Variants in BMP1 observed in about 807,000 individuals in gnomAD.
BMP1 encodes the protein bone morphogenetic protein 1.
Under a neutral mutation model 116.8 loss-of-function variants are expected in BMP1, and 63 were observed. That is an observed-to-expected ratio of 0.54 (90% CI 0.44 to 0.67). The LOEUF is 0.67. Among genes scored for constraint, BMP1 ranks in the 30% least tolerant of loss-of-function variants. The pLI, the probability that BMP1 is intolerant of heterozygous loss-of-function variation, is 0.00. For missense variants in BMP1, 1,183 were observed against 1,358.9 expected, an observed-to-expected ratio of 0.87 and a Z score of 2.04; for synonymous variants, 536 against 533.4, an observed-to-expected ratio of 1.00 and a Z score of -0.07.
At position 22,179,598 on chromosome 8, in the gene BMP1, T is replaced by G; in HGVS notation, c.837-107T>G. 1 of 1,585,708 alleles carries G rather than the reference T, an allele frequency of 6.3e-7. No homozygotes were observed. Among genetic ancestry groups the G allele is most frequent in the Non-Finnish European group, 8.6e-7 (1 of 1,164,448 alleles). On this transcript the variant is annotated intron_variant, in intron 6 of 19. Transcript: ENST00000306385. The surrounding 1 kb of genome is among the most constrained non-coding windows in gnomAD (Gnocchi z 4.6). ...CCGGCCCTGACCCTGCTGAGGAATGTCTGAGCTCCAGCAGGGTCGTGACTT... is the reference window on the plus strand; with the variant it reads ...CCGGCCCTGACCCTGCTGAGGAATGGCTGAGCTCCAGCAGGGTCGTGACTT...
chr8:22,180,579 G>T, intron 8 of BMP1, 96 bp downstream of exon 8: 1 of 1,104,960 alleles, frequency 9.1e-7, no homozygotes, highest in Non-Finnish European at 1.3e-6. Context: ...GGGTGCCAGC[G>T]ACCTACCTGG....
At chr8:22,201,746 CA>C in intron 15 of BMP1, 56 bp from the exon 16 acceptor site, 1 of 1,602,930 alleles carries the variant, frequency 6.2e-7, no homozygotes, top group Non-Finnish European at 8.5e-7. Context: ...TCCCCTGGGG[CA>C]TCCCAACCTC....
chr8:22,205,805 A>G lies in BMP1; in HGVS notation c.2234-1049A>G, dbSNP rs565177590. On this transcript the variant is annotated intron_variant, in intron 16 of 19. Coordinates refer to ENST00000306385, the MANE Select transcript of BMP1 (RefSeq NM_006129.5). ...TTGTTTTTTAATTTTAATAAAGCCA[A>G]ATGACCATGATCAGGAAGGTGAGGT... is the stretch of plus-strand genomic sequence containing the variant. Among the ~76,000 whole-genome samples the G allele has an allele frequency of 2.0e-5, 3 of 152,268 alleles. No individual in the cohort carries two copies. The South Asian group carries it at 6.2e-4, about 32-fold the overall frequency.
chr8:22,197,121 T>G, intron 14 of BMP1, 119 bp from the exon 15 acceptor site: 1 of 1,318,458 alleles, frequency 7.6e-7, no homozygotes. Flanking sequence ...GAGGATCCAG[T>G]GAGGGGGCGT....
intron 1 of BMP1, among the ~76,000 whole-genome samples, chr8:22,168,738 C>T (rs1377408002): frequency 6.6e-6 from 1 of 152,146 alleles, no homozygotes; most frequent in African/African-American, 2.4e-5. Flanking sequence ...ACAGCTGAGT[C>T]ACCCCACCCA....
intron 15 of BMP1, chr8:22,199,473 G>T: frequency 8.5e-7 from 1 of 1,170,800 alleles, no homozygotes. Flanking sequence ...CCCAGGTGAG[G>T]CTGCCCACTC....
chr8:22,165,603 C>G (rs777310526), intron 1 of BMP1, 50 bp downstream of exon 1: 1 of 1,463,106 alleles, frequency 6.8e-7, no homozygotes, highest in Non-Finnish European at 9.1e-7. Flanking sequence ...GAGGCGCGGG[C>G]GGGTTCGGGC....
chr8:22,187,951 C>T (rs1026493113), intron 8 of BMP1, among the ~76,000 whole-genome samples: 1 of 152,192 alleles, frequency 6.6e-6, no homozygotes, highest in African/African-American at 2.4e-5. Context: ...AAAGATCATG[C>T]GGCAAGGTCA....
At chr8:22,208,454 C>G (rs1586475917) in intron 18 of BMP1, among the ~76,000 whole-genome samples, 1 of 152,232 alleles carries the variant, frequency 6.6e-6, no homozygotes, top group East Asian at 1.9e-4. Context: ...CCGCCCGTGA[C>G]AGCATGAGCC....
At chr8:22,205,158 A>T (rs1380078711) in intron 16 of BMP1, among the ~76,000 whole-genome samples, 1 of 152,136 alleles carries the variant, frequency 6.6e-6, no homozygotes, top group African/African-American at 2.4e-5. Flanking sequence ...TGGCTTTGTC[A>T]GGAGGTAGGA....
intron 9 of BMP1, chr8:22,192,430 C>A: frequency 3.0e-6 from 1 of 337,334 alleles, no homozygotes; most frequent in Non-Finnish European, 5.6e-6. Flanking sequence ...TGCAAGGAGT[C>A]ATCAGAATTG....
chr8:22,196,855 G>A lies in BMP1; in HGVS notation c.1926+15G>A. On this transcript the variant is annotated intron_variant, in intron 14 of 19. Coordinates refer to ENST00000306385, the MANE Select transcript of BMP1 (RefSeq NM_006129.5). ...AGGGCAATGATGTAAGTGCCCACCA[G>A]GGGCTGAGGTGGGGCAGGAAGCTGT... 1 of 1,604,294 alleles carries A rather than the reference G, an allele frequency of 6.2e-7. No individual in the cohort carries two copies. Among genetic ancestry groups the A allele is most frequent in the Non-Finnish European group, 8.5e-7 (1 of 1,173,464 alleles).
Position 22,209,709 on chromosome 8 carries a change from C to A in BMP1, c.2826+14C>A. The A allele has an allele frequency of 6.2e-7, 1 of 1,611,322 alleles. No homozygotes were observed. The highest frequency in any genetic ancestry group is 1.1e-5 in the South Asian group (1 of 91,032). ...TGTGGCTCAGGGGTGAGGCCCCCAC[C>A]CCTCGCCCTCCTGGCCCCATGCCCC... is the stretch of plus-strand genomic sequence containing the variant. On this transcript the variant is annotated intron_variant, in intron 19 of 19. Coordinates refer to ENST00000306385, the MANE Select transcript of BMP1 (RefSeq NM_006129.5).
chr8:22,197,370 A>C lies in BMP1; in HGVS notation c.2057A>C (p.Lys686Thr). 3 of 1,613,648 alleles carry C rather than the reference A, an allele frequency of 1.9e-6. No homozygotes were observed. The East Asian group carries it at 6.7e-5, about 36-fold the overall frequency. The stretch of plus-strand genomic sequence containing the variant: ...TACAACAACATGCGCGTGGAGTTCA[A>C]GTCCGACAACACCGTGTCCAAAAAG... ...SQYNNMRVEF[K>T]SDNTVSKKGF... The change falls in exon 15 of 20, where the codon AAG (lysine) becomes ACG (threonine). Residue 686 changes from lysine (K) to threonine (T), a missense_variant. Transcript: ENST00000306385.
chr8:22,186,638 T>C (rs984756465), intron 8 of BMP1, among the ~76,000 whole-genome samples: 2 of 151,992 alleles, frequency 1.3e-5, no homozygotes, highest in Non-Finnish European at 2.9e-5. Flanking sequence ...GGCTAATTTT[T>C]GTATTTTTAG....
intron 2 of BMP1, among the ~76,000 whole-genome samples, chr8:22,174,885 T>G (rs1828388879): frequency 6.6e-6 from 1 of 152,138 alleles, no homozygotes; most frequent in Non-Finnish European, 1.5e-5. Context: ...CTATCCTCCC[T>G]GGCCTCCCAA....
chr8:22,165,526 C>T lies in BMP1; in HGVS notation c.121C>T (p.Leu41Phe). The change falls in exon 1 of 20, where the codon CTC (leucine) becomes TTC (phenylalanine). Residue 41 changes from leucine (L) to phenylalanine (F), a missense_variant. Coordinates refer to ENST00000306385, the MANE Select transcript of BMP1 (RefSeq NM_006129.5). ...DLAEEDDSEP[L>F]NYKDPCKAAA... ...GGCGGAGGAGGACGACTCGGAGCCCCTCAACTACAAAGACCCCTGCAAGGC... is the reference window on the plus strand; with the variant it reads ...GGCGGAGGAGGACGACTCGGAGCCCTTCAACTACAAAGACCCCTGCAAGGC... The T allele has an allele frequency of 6.3e-7, 1 of 1,591,774 alleles. No homozygotes were observed. The highest frequency in any genetic ancestry group is 8.5e-7 in the Non-Finnish European group (1 of 1,171,260).
rs1414782954 is a variant in BMP1, at chr8:22,184,349, A to G, written c.1077+3866A>G. ...ACGCACATGGCCTTGCCCCAAAAGC[A>G]TCTCTCTCTGCCTTGGGGCTGCTCC... On this transcript the variant is annotated intron_variant, in intron 8 of 19. Transcript: ENST00000306385. Among the ~76,000 whole-genome samples the G allele has an allele frequency of 2.6e-5, 4 of 152,304 alleles. No homozygotes were observed. In the East Asian group the frequency reaches 7.7e-4, roughly 29 times the overall value.
chr8:22,176,664 C>T lies in BMP1; in HGVS notation c.551+14C>T. On this transcript the variant is annotated intron_variant, in intron 4 of 19. Coordinates refer to ENST00000306385, the MANE Select transcript of BMP1 (RefSeq NM_006129.5). ...TCGACCTTGCGGGTGAGCAGGAAGC[C>T]CTAGGCGCTGTACCTTCCGCCATTG... 6.2e-7 allele frequency: 1 copy of T among 1,613,324 alleles called. No individual in the cohort carries two copies. The highest frequency in any genetic ancestry group is 8.5e-7 in the Non-Finnish European group (1 of 1,179,302).
Sources: allele counts gnomAD v4.1 joint callset (sites outside exome capture counted in the v4.1 genomes callset), GRCh38; gene constraint gnomAD v4.1.1; non-coding constraint Gnocchi (gnomAD v3.1); transcripts MANE v1.5; gene names NCBI Gene and HGNC (gene_info 2026-07-23, HGNC 2026-07-21).